ERO1B: variants seen among roughly 807,000 people sequenced by gnomAD.
ERO1B encodes endoplasmic reticulum oxidoreductase 1 beta.
A neutral mutation model predicts 75.3 loss-of-function variants in ERO1B; 49 were observed. That is an observed-to-expected ratio of 0.65 (90% CI 0.52 to 0.83). ERO1B has a LOEUF of 0.83. ERO1B is among the 40% of genes least tolerant of loss of function. The pLI is 0.00. For synonymous variants in ERO1B, 191 were observed against 192.9 expected, an observed-to-expected ratio of 0.99 and a Z score of 0.08; for missense variants, 512 against 560.1, an observed-to-expected ratio of 0.91 and a Z score of 0.87.
chr1:236,268,355 G>T lies in ERO1B; in HGVS notation c.222+1520C>A, dbSNP rs10924900. On this transcript the variant is annotated intron_variant, in intron 2 of 15. Coordinates refer to ENST00000354619, the MANE Select transcript of ERO1B (RefSeq NM_019891.4). ...CTCGGGAGGCTGAGGCAGAAGAATC[G>T]CTTGAAGCCAGGAGGCGGAGGTTGC... is the stretch of plus-strand genomic sequence containing the variant. Among the ~76,000 whole-genome samples the T allele has an allele frequency of 2.4e-3, 371 of 152,060 alleles. 3 individuals are homozygous for T. The highest frequency in any genetic ancestry group is 8.6e-3 in the African/African-American group (356 of 41,454).
At chr1:236,261,480 A>G (rs1609092) in intron 2 of ERO1B, among the ~76,000 whole-genome samples, 36,767 of 152,080 alleles carry the variant, frequency 0.24, 4,681 homozygotes, top group East Asian at 0.38. Context: ...TCAGCATACA[A>G]AAGTCCATAG....
At chr1:236,239,873 G>GTATATATATGTA (rs1572042451) in intron 6 of ERO1B, among the ~76,000 whole-genome samples, 2 of 78,560 alleles carry the variant, frequency 2.5e-5, no homozygotes, top group South Asian at 4.5e-4. Flanking sequence ...ATATATATGT[G>GTATATATATGTA]TATATGTGTG....
chr1:236,221,366 G>GAC (rs1282999795), intron 14 of ERO1B, among the ~76,000 whole-genome samples: 2 of 114,364 alleles, frequency 1.7e-5, no homozygotes, highest in African/African-American at 6.6e-5. Context: ...TATAGAAAAA[G>GAC]ACATTTTATT....
intron 1 of ERO1B, among the ~76,000 whole-genome samples, chr1:236,276,365 GA>G (rs1285957201): frequency 6.6e-6 from 1 of 152,278 alleles, no homozygotes; most frequent in Non-Finnish European, 1.5e-5. Context: ...ATAAAGAGAA[GA>G]AAGAGTACAA....
chr1:236,247,841 A>G (rs142030152), intron 5 of ERO1B, among the ~76,000 whole-genome samples: 76 of 152,242 alleles, frequency 5.0e-4, no homozygotes, highest in African/African-American at 1.7e-3. Context: ...TAACATTTAT[A>G]TATACCTGGA....
At chr1:236,230,611 CAAAAAA>C (rs397983348) in intron 9 of ERO1B, among the ~76,000 whole-genome samples, 90 of 58,594 alleles carry the variant, frequency 1.5e-3, no homozygotes, top group African/African-American at 3.1e-3. Flanking sequence ...GACCCTGTCT[CAAAAAA>C]AAAAAAAAAA....
intron 1 of ERO1B, among the ~76,000 whole-genome samples, chr1:236,279,000 A>G (rs1665765476): frequency 6.6e-6 from 1 of 152,080 alleles, no homozygotes; most frequent in Admixed American, 6.6e-5. Context: ...CCACTTTTTG[A>G]TTTTCCTATT....
chr1:236,268,748 T>C lies in ERO1B; in HGVS notation c.222+1127A>G, dbSNP rs185053852. Reference sequence around the variant, plus strand: ...AAAAATACAAAATATTAGCCGTGCGTGGTGGCAGGTGCCTGTAGTCCCAGC... The same window carrying C: ...AAAAATACAAAATATTAGCCGTGCGCGGTGGCAGGTGCCTGTAGTCCCAGC... On this transcript the variant is annotated intron_variant, in intron 2 of 15. Coordinates refer to ENST00000354619, the MANE Select transcript of ERO1B (RefSeq NM_019891.4). 5.0e-3 allele frequency among the ~76,000 whole-genome samples: 762 copies of C among 151,970 alleles called. 6 individuals carry two copies. Among genetic ancestry groups the C allele is most frequent in the African/African-American group, 0.017 (699 of 41,438 alleles).
intron 1 of ERO1B, among the ~76,000 whole-genome samples, chr1:236,280,798 T>C (rs1665813858): frequency 6.6e-6 from 1 of 152,122 alleles, no homozygotes; most frequent in South Asian, 2.1e-4. Context: ...ACCTTCGTTT[T>C]ATTTTTTTGG....
chr1:236,281,586 C>CG, intron 1 of ERO1B, 96 bp downstream of exon 1: 1 of 932,820 alleles, frequency 1.1e-6, no homozygotes, highest in Non-Finnish European at 1.4e-6. Flanking sequence ...TCTGGCCCGG[C>CG]CCTGCCCGGC....
intron 8 of ERO1B, among the ~76,000 whole-genome samples, chr1:236,234,040 CAG>C (rs2102944828): frequency 6.6e-6 from 1 of 152,252 alleles, no homozygotes; most frequent in African/African-American, 2.4e-5. Context: ...GGTTATGACT[CAG>C]AAATGTGGAA....
At chr1:236,219,463 T>C (rs562053989) in intron 15 of ERO1B, among the ~76,000 whole-genome samples, 18 of 152,340 alleles carry the variant, frequency 1.2e-4, no homozygotes, top group African/African-American at 4.3e-4. Flanking sequence ...TCAATTGTTT[T>C]GAAATTCTCA....
At chr1:236,255,575 A>G (rs976557717) in intron 2 of ERO1B, among the ~76,000 whole-genome samples, 1 of 152,216 alleles carries the variant, frequency 6.6e-6, no homozygotes, top group African/African-American at 2.4e-5. Context: ...AACAATATCT[A>G]TATTACAGAG....
chr1:236,267,460 AC>A (rs1665473243), intron 2 of ERO1B, among the ~76,000 whole-genome samples: 1 of 152,212 alleles, frequency 6.6e-6, no homozygotes, highest in African/African-American at 2.4e-5. Flanking sequence ...GAGTACTTCT[AC>A]TGACCAAGCC....
intron 1 of ERO1B, among the ~76,000 whole-genome samples, chr1:236,271,841 CTT>C (rs1269935789): frequency 6.6e-6 from 1 of 151,608 alleles, no homozygotes; most frequent in Non-Finnish European, 1.5e-5. Context: ...TTTTTTTGTT[CTT>C]TCTTATAAAT....
chr1:236,221,735 G>A, intron 14 of ERO1B, 189 bp downstream of exon 14: 1 of 528,870 alleles, frequency 1.9e-6, no homozygotes, highest in Middle Eastern at 5.1e-4. Flanking sequence ...AGAATAATAT[G>A]AGAAACATCC....
Position 236,215,816 on chromosome 1 carries a change from A to G in ERO1B, c.*2700T>C, listed in dbSNP as rs531088799. On this transcript the variant is annotated 3_prime_UTR_variant, in exon 16 of 16. Transcript: ENST00000354619. ...AGAGGTTTACTGTGAACTGTTCCCA[A>G]ATTTTCAGCTGAAGGCAATGCTGAT... is the stretch of plus-strand genomic sequence containing the variant. The G allele has an allele frequency of 3.3e-5, 5 of 152,288 alleles. No homozygotes were observed. Among genetic ancestry groups the G allele is most frequent in the East Asian group, 3.9e-4 (2 of 5,194 alleles). The allele number at this position is 152,288 out of a possible 1,614,324, so 9.4% of individuals were successfully genotyped here.
intron 1 of ERO1B, among the ~76,000 whole-genome samples, chr1:236,281,279 CCTCA>C (rs1437286533): frequency 2.6e-5 from 4 of 152,172 alleles, no homozygotes; most frequent in Non-Finnish European, 4.4e-5. Context: ...AGTCTCCCTC[CCTCA>C]CTAACTCCTG....
chr1:236,259,911 A>G (rs886799855), intron 2 of ERO1B, among the ~76,000 whole-genome samples: 3 of 152,182 alleles, frequency 2.0e-5, no homozygotes, highest in Non-Finnish European at 4.4e-5. Context: ...AATATTCCAT[A>G]CAACAGTAAC....
Sources: gnomAD v4.1 joint callset for allele counts (sites outside exome capture counted in the v4.1 genomes callset) on GRCh38, gnomAD v4.1.1 for gene constraint, MANE v1.5 for transcripts, NCBI Gene and HGNC (gene_info 2026-07-23, HGNC 2026-07-21) for gene names.